The following PKHD1L1 variants were observed in gnomAD, a reference collection of about 807,000 sequenced individuals.
PKHD1L1 encodes PKHD1 like 1.
In PKHD1L1, 434 loss-of-function variants were observed where a neutral mutation model predicts 462.9. The ratio of observed to expected loss-of-function variants is 0.94; its 90% CI spans 0.87 to 1.02. PKHD1L1 has a LOEUF of 1.02. Ranked by LOEUF, PKHD1L1 falls within the 50% of genes least tolerant of loss-of-function variation. PKHD1L1 has a pLI of 0.00. For missense variants in PKHD1L1, 5,202 were observed against 5,096.1 expected (o/e 1.02, Z -0.63); for synonymous variants, 1,781 against 1,750.0 (o/e 1.02, Z -0.44).
chr8:109,362,646 C>A lies in PKHD1L1; in HGVS notation c.66C>A (p.Pro22=). 1 of 1,602,564 alleles carries A rather than the reference C, an allele frequency of 6.2e-7. No individual in the cohort carries two copies. The highest frequency in any genetic ancestry group is 2.2e-5 in the East Asian group (1 of 44,452). The change falls in exon 1 of 78, where the codon CCC becomes CCA. Residue 22 remains proline (P), a synonymous_variant. Coordinates refer to ENST00000378402, the MANE Select transcript of PKHD1L1 (RefSeq NM_177531.6). ...GGCTGCTCCTGTGTGCCGCGGATCC[C>A]AGCACAGGTAACCCTTTGGGCACGC... is the stretch of plus-strand genomic sequence containing the variant. ...LCGLLLCAAD[P]STDGSQIIPK...
chr8:109,406,979 C>A (rs141024949), intron 17 of PKHD1L1, among the ~76,000 whole-genome samples: 1 of 151,778 alleles, frequency 6.6e-6, no homozygotes, highest in East Asian at 1.9e-4. Flanking sequence ...TTAATGCAAA[C>A]GTATTTTATA....
chr8:109,416,959 C>T (rs1814206723), intron 21 of PKHD1L1, among the ~76,000 whole-genome samples: 2 of 152,270 alleles, frequency 1.3e-5, no homozygotes, highest in South Asian at 2.1e-4. Context: ...CCTCCACTGC[C>T]ACAGGATTTT....
At position 109,412,308 on chromosome 8, in the gene PKHD1L1, A is replaced by C; in HGVS notation, c.2129A>C (p.Tyr710Ser). 2 of 1,613,854 alleles carry C rather than the reference A, an allele frequency of 1.2e-6. No individual in the cohort carries two copies. The highest frequency in any genetic ancestry group is 2.2e-5 in the South Asian group (2 of 91,076). Residue 710 changes from tyrosine (Y) to serine (S), a missense_variant, in exon 20 of 78, where the codon TAC becomes TCC. Tyr to Ser is a moderately radical substitution (Grantham distance 144). Coordinates refer to ENST00000378402, the MANE Select transcript of PKHD1L1 (RefSeq NM_177531.6). ...RGQKTAETDAYCGRYSLKNPA... is the reference protein window; with the variant it reads ...RGQKTAETDASCGRYSLKNPA... ...CAGAAGACAGCTGAAACCGATGCTT[A>C]CTGTGGTCGTTATTCCCTGAAAAAC...
Position 109,401,532 on chromosome 8 carries a change from T to C in PKHD1L1, c.1317T>C (p.Ser439=). 1 of 1,596,250 alleles carries C rather than the reference T, an allele frequency of 6.3e-7. No homozygotes were observed. The highest frequency in any genetic ancestry group is 8.6e-7 in the Non-Finnish European group (1 of 1,165,328). ...CATATCATTCTGCTAATGCCAACAG[T>C]TATTTTTCCAGTCCAACACAAAGAT... ...RIAYHSANAN[S]YFSSPTQRSD... is the part of the protein sequence containing the mutation. Residue 439 remains serine (S), a synonymous_variant, in exon 14 of 78, where the codon AGT becomes AGC. Transcript: ENST00000378402.
At chr8:109,444,637 A>G (rs1032545348) in intron 37 of PKHD1L1, 24 bp from the exon 38 acceptor site, 2 of 1,587,934 alleles carry the variant, frequency 1.3e-6, no homozygotes, top group South Asian at 1.1e-5. Context: ...GACTTGTTTT[A>G]TTTTGTATTC....
Position 109,430,047 on chromosome 8 carries a change from T to G in PKHD1L1, c.3229+10T>G. The G allele has an allele frequency of 6.4e-7, 1 of 1,574,796 alleles. No individual in the cohort carries two copies. Among genetic ancestry groups the G allele is most frequent in the Non-Finnish European group, 8.7e-7 (1 of 1,152,000 alleles). ...ATAAGCCCTTCTCAAGGTAACTTCC[T>G]GATTTTTAACCTATACTGGGTGTGA... is the stretch of plus-strand genomic sequence containing the variant. On this transcript the variant is annotated intron_variant, in intron 27 of 77. Coordinates refer to ENST00000378402, the MANE Select transcript of PKHD1L1 (RefSeq NM_177531.6).
At chr8:109,473,976 A>G (rs1383482511) in intron 50 of PKHD1L1, among the ~76,000 whole-genome samples, 2 of 152,144 alleles carry the variant, frequency 1.3e-5, no homozygotes, top group Non-Finnish European at 2.9e-5. Context: ...GCCAAGATCA[A>G]TGAAGCAGGG....
At chr8:109,366,172 G>T (rs902054495) in intron 2 of PKHD1L1, among the ~76,000 whole-genome samples, 2 of 152,136 alleles carry the variant, frequency 1.3e-5, no homozygotes, top group Non-Finnish European at 2.9e-5. Context: ...CTTTTCTTTT[G>T]TGTGGACGTT....
intron 59 of PKHD1L1, among the ~76,000 whole-genome samples, chr8:109,487,926 A>AAGGAAGGT (rs1305260493): frequency 1.3e-5 from 2 of 150,336 alleles, no homozygotes; most frequent in African/African-American, 4.9e-5. Flanking sequence ...GGAAGGAAGG[A>AAGGAAGGT]AGGAAGGAAG....
At chr8:109,440,898 T>A (rs750925378) in intron 33 of PKHD1L1, 46 bp downstream of exon 33, 2 of 1,583,190 alleles carry the variant, frequency 1.3e-6, no homozygotes, top group South Asian at 2.3e-5. Flanking sequence ...TTTCTCAGCT[T>A]AAAGGATATA....
intron 27 of PKHD1L1, among the ~76,000 whole-genome samples, chr8:109,431,979 G>T (rs768616627): frequency 2.3e-4 from 35 of 151,890 alleles, no homozygotes; most frequent in Non-Finnish European, 3.1e-4. Flanking sequence ...GGAAGTGATC[G>T]GCTTCCTAAT....
Position 109,438,921 on chromosome 8 carries a change from G to A in PKHD1L1, c.3785G>A (p.Gly1262Asp). 6.2e-7 allele frequency: 1 copy of A among 1,611,326 alleles called. No homozygotes were observed. Among genetic ancestry groups the A allele is most frequent in the Non-Finnish European group, 8.5e-7 (1 of 1,178,652 alleles). ...ILGEVNLTIK[G>D]YNFGNELTQN... ...GGAGAAGTTAATTTAACAATTAAGG[G>A]CTATAATTTTGGAAATGAACTCACA... The change falls in exon 32 of 78, where the codon GGC becomes GAC. Residue 1262 changes from glycine (G) to aspartate (D), a missense_variant. Physicochemically the swap from Gly to Asp is moderately conservative, Grantham distance 94. Transcript: ENST00000378402.
intron 22 of PKHD1L1, among the ~76,000 whole-genome samples, chr8:109,419,543 C>CTTTTTGCTTTGTTTTA (rs1189653951): frequency 6.6e-6 from 1 of 151,548 alleles, no homozygotes; most frequent in African/African-American, 2.4e-5. Flanking sequence ...CAAACATTTT[C>CTTTTTGCTTTGTTTTA]TTTTTGCTTT....
chr8:109,513,873 T>G (rs1381548680), intron 71 of PKHD1L1, among the ~76,000 whole-genome samples: 1 of 152,148 alleles, frequency 6.6e-6, no homozygotes, highest in Non-Finnish European at 1.5e-5. Flanking sequence ...ATCATGGTAA[T>G]TGCCTCCTAA....
chr8:109,427,702 C>T (rs535152640), intron 25 of PKHD1L1, among the ~76,000 whole-genome samples: 8 of 152,080 alleles, frequency 5.3e-5, no homozygotes, highest in African/African-American at 1.7e-4. Context: ...GGAGAGGAGT[C>T]TAGGGACTCA....
intron 9 of PKHD1L1, 33 bp downstream of exon 9, chr8:109,390,527 T>C (rs1812662832): frequency 8.2e-7 from 1 of 1,216,660 alleles, no homozygotes. Flanking sequence ...ACTTTTATAA[T>C]TGATTCAACA....
chr8:109,452,421 A>G, intron 42 of PKHD1L1, 141 bp downstream of exon 42: 1 of 853,182 alleles, frequency 1.2e-6, no homozygotes, highest in Middle Eastern at 2.7e-4. Context: ...AAAGTAGCTT[A>G]CATTTTTTGT....
chr8:109,399,397 T>G (rs1813135406), intron 12 of PKHD1L1, among the ~76,000 whole-genome samples: 1 of 151,954 alleles, frequency 6.6e-6, no homozygotes, highest in South Asian at 2.1e-4. Context: ...GAAGTAAGCC[T>G]AATTGTTGTT....
intron 8 of PKHD1L1, 39 bp from the exon 9 acceptor site, chr8:109,390,413 T>C (rs1289984149): frequency 4.9e-6 from 6 of 1,216,388 alleles, no homozygotes; most frequent in East Asian, 5.6e-5. Context: ...CTTCTGTGAC[T>C]GGGAATTTAA....
Sources: allele counts gnomAD v4.1 joint callset (sites outside exome capture counted in the v4.1 genomes callset), GRCh38; gene constraint gnomAD v4.1.1; transcripts MANE v1.5; gene names NCBI Gene and HGNC (gene_info 2026-07-23, HGNC 2026-07-21).